COL22A1: variants seen among roughly 807,000 people sequenced by gnomAD.
COL22A1 encodes collagen type XXII alpha 1 chain, also known as collagen alpha-1(XXII) chain.
In COL22A1, 221 loss-of-function variants were observed where a neutral mutation model predicts 248.9. The observed-to-expected ratio is 0.89, with a 90% confidence interval of 0.80 to 0.99. COL22A1 has a LOEUF of 0.99. Ranked by LOEUF, COL22A1 falls within the 50% of genes least tolerant of loss-of-function variation. The pLI, the probability that COL22A1 is intolerant of heterozygous loss-of-function variation, is 0.00. For missense variants in COL22A1, 2,240 were observed against 2,179.0 expected, an observed-to-expected ratio of 1.03 and a Z score of -0.56; for synonymous variants, 891 against 793.4, an observed-to-expected ratio of 1.12 and a Z score of -2.07.
At chr8:138,690,935 T>C in intron 35 of COL22A1, 61 bp from the exon 36 acceptor site, 2 of 1,376,664 alleles carry the variant, frequency 1.5e-6, no homozygotes, top group Non-Finnish European at 2.0e-6. Flanking sequence ...TTGCCCCCAC[T>C]CTCTCTGCAA....
In COL22A1 at chr8:138,892,969, A is replaced by G. The variant is rs577729907; in HGVS notation, c.-72-9725T>C. ...ATAAGAGCATAGTATGTCTGTGTCC[A>G]GAGCACTGAACTGCGTCCTTCTATC... On this transcript the variant is annotated intron_variant, in intron 1 of 64. Coordinates refer to ENST00000303045, the MANE Select transcript of COL22A1 (RefSeq NM_152888.3). Among the ~76,000 whole-genome samples the G allele has an allele frequency of 1.1e-3, 160 of 152,336 alleles. 2 individuals carry two copies. The South Asian group carries it at 0.032, about 30-fold the overall frequency.
chr8:138,811,992 G>A (rs188082111), intron 8 of COL22A1, 71 bp from the exon 9 acceptor site: 16,634 of 1,455,376 alleles, frequency 0.011, 138 homozygotes, highest in Non-Finnish European at 0.013. Context: ...GAAGCACAGT[G>A]TCGGGTGCTT....
intron 3 of COL22A1, among the ~76,000 whole-genome samples, chr8:138,860,658 A>G (rs1325683896): frequency 6.6e-6 from 1 of 152,130 alleles, no homozygotes; most frequent in Non-Finnish European, 1.5e-5. Context: ...AAATGCACAC[A>G]TTAGCATGGC....
At chr8:138,869,894 T>C (rs1035321906) in intron 3 of COL22A1, among the ~76,000 whole-genome samples, 3 of 152,102 alleles carry the variant, frequency 2.0e-5, no homozygotes, top group Non-Finnish European at 2.9e-5. Flanking sequence ...GCTGGGTGGG[T>C]CACTTTGTGG....
chr8:138,716,974 C>A, intron 27 of COL22A1, 105 bp from the exon 28 acceptor site: 1 of 869,162 alleles, frequency 1.2e-6, no homozygotes, highest in Non-Finnish European at 2.0e-6. Flanking sequence ...CCAGCCACAA[C>A]CCTTAATTTT....
chr8:138,755,268 C>T (rs1440524405), intron 20 of COL22A1, 58 bp from the exon 21 acceptor site: 1 of 1,527,020 alleles, frequency 6.5e-7, no homozygotes, highest in Non-Finnish European at 9.1e-7. Flanking sequence ...ATGATCAGGC[C>T]CACCATCACC....
intron 1 of COL22A1, among the ~76,000 whole-genome samples, chr8:138,886,541 T>C (rs1045022159): frequency 2.6e-5 from 4 of 152,216 alleles, no homozygotes; most frequent in African/African-American, 4.8e-5. Flanking sequence ...TTTCTGAGCA[T>C]AGGATCATCC....
intron 44 of COL22A1, 72 bp downstream of exon 44, chr8:138,660,364 G>T (rs1356667512): frequency 3.5e-5 from 47 of 1,336,770 alleles, no homozygotes; most frequent in African/African-American, 5.7e-5. Flanking sequence ...TGAACTTTCT[G>T]AGTTGCATTT....
At position 138,821,399 on chromosome 8, in the gene COL22A1, G is replaced by C. The variant is rs192787524; in HGVS notation, c.982C>G (p.Leu328Val). 1 of 1,612,386 alleles carries C rather than the reference G, an allele frequency of 6.2e-7. No homozygotes were observed. Among genetic ancestry groups the C allele is most frequent in the Non-Finnish European group, 8.5e-7 (1 of 1,178,554 alleles). ...QYSIPQVSIR[L>V]DGENKAVEYN... is the part of the protein sequence containing the mutation. ...TCGACTGCCTTGTTTTCACCATCCA[G>C]CCGGATGGAGACCTGGGGAGGAAAG... The change falls in exon 7 of 65, where the codon CTG (leucine) becomes GTG (valine). Residue 328 changes from leucine to valine, a missense_variant. Transcript: ENST00000303045.
chr8:138,669,381 G>A (rs1824814364), intron 41 of COL22A1, among the ~76,000 whole-genome samples: 1 of 152,196 alleles, frequency 6.6e-6, no homozygotes, highest in Non-Finnish European at 1.5e-5. Context: ...TCAGGGCAGT[G>A]TCTGGCCTTT....
chr8:138,912,331 C>T (rs1208337337), intron 1 of COL22A1, among the ~76,000 whole-genome samples: 1 of 152,224 alleles, frequency 6.6e-6, no homozygotes, highest in Non-Finnish European at 1.5e-5. Flanking sequence ...TTTCCTGGAA[C>T]CTTTGAACTT....
chr8:138,900,285 C>A (rs563116774), intron 1 of COL22A1, among the ~76,000 whole-genome samples: 19 of 152,220 alleles, frequency 1.2e-4, no homozygotes, highest in Non-Finnish European at 1.9e-4. Flanking sequence ...AGAGCTCTGG[C>A]CATCAGGAGT....
At chr8:138,806,402 T>C (rs935832219) in intron 10 of COL22A1, among the ~76,000 whole-genome samples, 29 of 150,514 alleles carry the variant, frequency 1.9e-4, no homozygotes, top group African/African-American at 7.1e-4. Context: ...GGGTGTGAGA[T>C]GAGGGAGGGA....
At position 138,598,686 on chromosome 8, in the gene COL22A1, G is replaced by T. The variant is rs765571678; in HGVS notation, c.4365+33C>A. 7 of 1,587,942 alleles carry T rather than the reference G, an allele frequency of 4.4e-6. No individual in the cohort carries two copies. The African/African-American group carries it at 8.1e-5, about 18-fold the overall frequency. On this transcript the variant is annotated intron_variant, in intron 61 of 64. Coordinates refer to ENST00000303045, the MANE Select transcript of COL22A1 (RefSeq NM_152888.3). The stretch of plus-strand genomic sequence containing the variant: ...CTGGCTCCCCCTTAGGCCCCGAGGA[G>T]CCCCGAGTCCAAAGCCATATTAGCA...
intron 60 of COL22A1, among the ~76,000 whole-genome samples, chr8:138,601,552 A>G (rs1036094134): frequency 1.3e-5 from 2 of 152,190 alleles, no homozygotes; most frequent in Non-Finnish European, 2.9e-5. Context: ...AGGGAGCAGC[A>G]GTCGTGAGTG....
intron 23 of COL22A1, among the ~76,000 whole-genome samples, chr8:138,733,038 T>G (rs1021135679): frequency 6.6e-6 from 1 of 152,202 alleles, no homozygotes; most frequent in Non-Finnish European, 1.5e-5. Flanking sequence ...AGATGGTAGA[T>G]CCCTGTGGCA....
chr8:138,621,367 C>A (rs1287642954), intron 52 of COL22A1, among the ~76,000 whole-genome samples: 1 of 152,172 alleles, frequency 6.6e-6, no homozygotes, highest in African/African-American at 2.4e-5. Context: ...CAGTTGCCAG[C>A]CTGCAGTTAC....
chr8:138,589,507 C>T (rs989582265), intron 64 of COL22A1, 67 bp from the exon 65 acceptor site: 55 of 1,269,082 alleles, frequency 4.3e-5, no homozygotes, highest in Middle Eastern at 5.3e-4. Flanking sequence ...GGGCCCTGAA[C>T]TCACAGCTTC....
chr8:138,906,426 T>A (rs1815024590), intron 1 of COL22A1, among the ~76,000 whole-genome samples: 3 of 151,722 alleles, frequency 2.0e-5, no homozygotes, highest in Non-Finnish European at 2.9e-5. Context: ...TGCTTAAACT[T>A]AACGTGTCTA....
Sources: gnomAD v4.1 joint callset for allele counts (sites outside exome capture counted in the v4.1 genomes callset) on GRCh38, gnomAD v4.1.1 for gene constraint, MANE v1.5 for transcripts, NCBI Gene and HGNC (gene_info 2026-07-23, HGNC 2026-07-21) for gene names.